NDUFC1: variants seen among roughly 807,000 people sequenced by gnomAD.
The protein encoded by NDUFC1 is NADH:ubiquinone oxidoreductase subunit C1, also known as NADH dehydrogenase [ubiquinone] 1 subunit C1, mitochondrial.
In NDUFC1, 11 loss-of-function variants were observed where a neutral mutation model predicts 11.6. The ratio of observed to expected loss-of-function variants is 0.95; its 90% CI spans 0.60 to 1.58. NDUFC1 has a LOEUF of 1.58. NDUFC1 is among the 40% of genes most tolerant of loss of function. NDUFC1 has a pLI of 0.00. For missense variants in NDUFC1, 112 were observed against 93.0 expected, an observed-to-expected ratio of 1.20 and a Z score of -0.84; for synonymous variants, 52 against 42.2, an observed-to-expected ratio of 1.23 and a Z score of -0.90.
intron 4 of NDUFC1, among the ~76,000 whole-genome samples, chr4:139,294,303 C>G (rs1365170099): frequency 1.3e-5 from 2 of 152,050 alleles, no homozygotes; most frequent in African/African-American, 4.8e-5. Context: ...TGTATTTATA[C>G]AAACATTGAT....
At chr4:139,301,717 G>C in intron 1 of NDUFC1, 1 of 1,522,228 alleles carries the variant, frequency 6.6e-7, no homozygotes, top group South Asian at 1.2e-5. Context: ...CAGCGGCGGC[G>C]GTCGGACAAA....
intron 4 of NDUFC1, among the ~76,000 whole-genome samples, chr4:139,294,458 C>T (rs1745367794): frequency 6.6e-6 from 1 of 151,288 alleles, no homozygotes; most frequent in South Asian, 2.1e-4. Flanking sequence ...TTACTATTGC[C>T]GGGCGTGGTG....
chr4:139,298,740 C>T (rs1745580396), intron 1 of NDUFC1, among the ~76,000 whole-genome samples: 1 of 151,238 alleles, frequency 6.6e-6, no homozygotes, highest in South Asian at 2.1e-4. Context: ...GAGGTGTCAT[C>T]ACAGCTCACT....
chr4:139,298,814 C>G (rs1745583740), intron 1 of NDUFC1, among the ~76,000 whole-genome samples: 1 of 151,992 alleles, frequency 6.6e-6, no homozygotes, highest in African/African-American at 2.4e-5. Flanking sequence ...GCTGGGACTA[C>G]AGGCTCACAG....
At chr4:139,302,304 T>G in intron 1 of NDUFC1, 112 bp downstream of exon 1, 1 of 156,524 alleles carries the variant, frequency 6.4e-6, no homozygotes. Flanking sequence ...TCCCTCCCTC[T>G]TCCTCCTCTC....
intron 1 of NDUFC1, chr4:139,301,704 C>T: frequency 6.7e-7 from 1 of 1,499,082 alleles, no homozygotes; most frequent in Non-Finnish European, 9.0e-7. Context: ...AGCTACGGAA[C>T]GGCAGCGGCG....
intron 1 of NDUFC1, chr4:139,300,521 T>A (rs1745665531): frequency 6.6e-6 from 1 of 152,230 alleles, no homozygotes; most frequent in Non-Finnish European, 1.5e-5. Flanking sequence ...TAAAAGTGGC[T>A]CATATAACTT....
rs1309876663 is a variant in NDUFC1 at position 139,295,811 on chromosome 4, A to C, written c.-13T>G. The C allele has an allele frequency of 6.5e-7, 1 of 1,543,862 alleles. No homozygotes were observed. The highest frequency in any genetic ancestry group is 2.0e-5 in the Admixed American group (1 of 48,852). ...CGGACGGCGCCATCTTGCGTGGCCC[A>C]GCTCAGTCTCTCCGAGTTGGCAACA... On this transcript the variant is annotated 5_prime_UTR_variant, in exon 3 of 6. Coordinates refer to ENST00000394223, the MANE Select transcript of NDUFC1 (RefSeq NM_001184989.2).
intron 5 of NDUFC1, among the ~76,000 whole-genome samples, 192 bp from the exon 6 acceptor site, chr4:139,290,284 G>T (rs1050490602): frequency 6.8e-6 from 1 of 147,622 alleles, no homozygotes; most frequent in Admixed American, 6.7e-5. Flanking sequence ...AAGCCATCTG[G>T]TTTGTATTTC....
intron 1 of NDUFC1, chr4:139,300,975 C>G (rs1398722029): frequency 6.6e-6 from 1 of 152,308 alleles, no homozygotes; most frequent in African/African-American, 2.4e-5. Flanking sequence ...GATACGACAG[C>G]CAGGCCCATT....
At chr4:139,301,440 G>A in intron 1 of NDUFC1, 1 of 438,786 alleles carries the variant, frequency 2.3e-6, no homozygotes, top group South Asian at 5.1e-5. Context: ...GGGGAAAGGA[G>A]GTCACCGCGC....
intron 1 of NDUFC1, among the ~76,000 whole-genome samples, chr4:139,300,450 AT>A (rs1308830374): frequency 6.6e-6 from 1 of 152,268 alleles, no homozygotes; most frequent in Non-Finnish European, 1.5e-5. Context: ...ATAATTCATG[AT>A]GCAAAGAATG....
rs1579059337 is a variant in NDUFC1, at chr4:139,292,613, C to T, written c.172-4G>A. 2 of 1,530,694 alleles carry T rather than the reference C, an allele frequency of 1.3e-6. No individual in the cohort carries two copies. Among genetic ancestry groups the T allele is most frequent in the Admixed American group, 3.6e-5 (2 of 56,152 alleles). The allele number at this position is 1,530,694 out of a possible 1,614,324, so 94.8% of individuals were successfully genotyped here. ...CTTCATTGTGTTGTTTGATGAGCTA[C>T]AAAGAGTTAAACAGTTAAAATTAGA... On this transcript the variant is annotated splice_polypyrimidine_tract_variant and splice_region_variant and intron_variant, in intron 4 of 5. Transcript: ENST00000394223.
At position 139,302,451 on chromosome 4, in the gene NDUFC1, T is replaced by C. The variant is rs1481385017; in HGVS notation, c.-257A>G. On this transcript the variant is annotated 5_prime_UTR_variant, in exon 1 of 6. Transcript: ENST00000394223. ...TCAGTTGCATACTGGAGTCTTCAGCTCCTCTGCCTCCGTTGTTCTCGTTTC... is the reference window on the plus strand; with the variant it reads ...TCAGTTGCATACTGGAGTCTTCAGCCCCTCTGCCTCCGTTGTTCTCGTTTC... The C allele has an allele frequency of 6.6e-6, 1 of 152,228 alleles. No individual in the cohort carries two copies. The highest frequency in any genetic ancestry group is 1.5e-5 in the Non-Finnish European group (1 of 68,054). 9.4% of individuals were successfully genotyped at this position (152,228 alleles called of 1,614,324 possible). A position where few individuals can be genotyped will look rare whatever the true frequency, so the allele number is the denominator to read the frequency against.
intron 4 of NDUFC1, 69 bp downstream of exon 4, chr4:139,294,974 C>G (rs1745394294): frequency 1.7e-6 from 2 of 1,166,556 alleles, no homozygotes; most frequent in South Asian, 2.5e-5. Flanking sequence ...ACCATTCAAT[C>G]TCGCAATGTT....
chr4:139,292,574 G>T lies in NDUFC1; in HGVS notation c.207C>A (p.Tyr69Ter). The T allele has an allele frequency of 6.4e-7, 1 of 1,564,258 alleles. No individual in the cohort carries two copies. The highest frequency in any genetic ancestry group is 8.7e-7 in the Non-Finnish European group (1 of 1,143,056). The change falls in exon 5 of 6, where the codon TAC (tyrosine) becomes TAA (stop). Residue 69 changes from tyrosine to a stop codon, truncating the protein, a stop_gained. Coordinates refer to ENST00000394223, the MANE Select transcript of NDUFC1 (RefSeq NM_001184989.2). LOFTEE classifies it high-confidence loss of function. ...TTTATTCCAGCCCATTTCTTCTTTT[G>T]TACTCTAAAATATCTTCATTGTGTT... ...IKQHNEDILE[Y>*]KRRNGLE
intron 4 of NDUFC1, 108 bp downstream of exon 4, chr4:139,294,935 A>C: frequency 1.3e-6 from 1 of 745,386 alleles, no homozygotes; most frequent in Non-Finnish European, 2.4e-6. Flanking sequence ...CTGTTATGAG[A>C]GTTTCACTGC....
At chr4:139,298,921 T>G (rs1378291261) in intron 1 of NDUFC1, among the ~76,000 whole-genome samples, 2 of 152,070 alleles carry the variant, frequency 1.3e-5, no homozygotes, top group Non-Finnish European at 2.9e-5. Flanking sequence ...GCGATCTTCC[T>G]GCCTCAGCCT....
intron 3 of NDUFC1, 48 bp downstream of exon 3, chr4:139,295,684 G>T: frequency 6.6e-7 from 1 of 1,526,414 alleles, no homozygotes; most frequent in Admixed American, 2.2e-5. Flanking sequence ...TCCGCCTTAG[G>T]AGGGGTAATC....
Sources: allele counts gnomAD v4.1 joint callset (sites outside exome capture counted in the v4.1 genomes callset), GRCh38; gene constraint gnomAD v4.1.1; transcripts MANE v1.5; gene names NCBI Gene and HGNC (gene_info 2026-07-23, HGNC 2026-07-21).